The following PDE7B variants were observed in gnomAD, a reference collection of about 807,000 sequenced individuals.
PDE7B encodes phosphodiesterase 7B.
In PDE7B, 29 loss-of-function variants were observed where a neutral mutation model predicts 56.2. The observed-to-expected ratio is 0.52, with a 90% CI of 0.38 to 0.70. PDE7B has a LOEUF of 0.70. Among genes scored for constraint, PDE7B ranks in the 30% least tolerant of loss-of-function variants. The probability of loss-of-function intolerance (pLI) is 0.00; values close to 1 mark genes in which losing one functional copy is unlikely to be tolerated. For synonymous variants in PDE7B, 197 were observed against 196.9 expected, an observed-to-expected ratio of 1.00 and a Z score of 0.00; for missense variants, 490 against 565.0, an observed-to-expected ratio of 0.87 and a Z score of 1.35.
intron 3 of PDE7B, among the ~76,000 whole-genome samples, chr6:136,131,006 G>C (rs551265373): frequency 2.7e-4 from 41 of 152,270 alleles, no homozygotes; most frequent in Middle Eastern, 6.8e-3. Flanking sequence ...AATTATGGGA[G>C]CTACAATTCA....
At chr6:135,963,243 G>C (rs866461811) in intron 2 of PDE7B, among the ~76,000 whole-genome samples, 1 of 152,258 alleles carries the variant, frequency 6.6e-6, no homozygotes, top group South Asian at 2.1e-4. Context: ...GGAATTTGCA[G>C]TTTTCATTAA....
rs1415647497 is a variant in PDE7B, at chr6:136,092,473, A to G, written c.83-16258A>G. Among the ~76,000 whole-genome samples, 3 of 152,254 alleles carry G rather than the reference A, an allele frequency of 2.0e-5. No individual in the cohort carries two copies. The East Asian group carries it at 5.8e-4, about 29-fold the overall frequency. On this transcript the variant is annotated intron_variant, in intron 2 of 12. Coordinates refer to ENST00000308191, the MANE Select transcript of PDE7B (RefSeq NM_018945.4). The stretch of plus-strand genomic sequence containing the variant: ...CAGATTCAGTTTTTTAAAAACTGAG[A>G]GTGAAGGCCGGGTACGATGGCTCAT...
chr6:135,949,631 A>G (rs547815326), intron 2 of PDE7B, among the ~76,000 whole-genome samples: 43 of 152,142 alleles, frequency 2.8e-4, no homozygotes, highest in Non-Finnish European at 5.7e-4. Context: ...GAGAAGCTCT[A>G]TCTTTCAAAA....
intron 8 of PDE7B, among the ~76,000 whole-genome samples, chr6:136,160,256 A>T (rs955196475): frequency 6.6e-6 from 1 of 152,168 alleles, no homozygotes. Flanking sequence ...CAGACATAGT[A>T]CCTGATGTGG....
intron 8 of PDE7B, among the ~76,000 whole-genome samples, chr6:136,168,793 T>C (rs1352363539): frequency 6.6e-6 from 1 of 152,156 alleles, no homozygotes; most frequent in Admixed American, 6.6e-5. Context: ...CACAAGATTT[T>C]TAGCAATAGA....
At chr6:135,880,590 C>G (rs1583732735) in intron 1 of PDE7B, among the ~76,000 whole-genome samples, 1 of 152,174 alleles carries the variant, frequency 6.6e-6, no homozygotes, top group African/African-American at 2.4e-5. Context: ...CGCTTGAAAG[C>G]AACACCATGA....
intron 2 of PDE7B, among the ~76,000 whole-genome samples, chr6:135,969,575 A>C (rs9494430): frequency 0.084 from 12,769 of 152,162 alleles, 1,025 homozygotes; most frequent in African/African-American, 0.21. Flanking sequence ...CCATATACAG[A>C]AAACTGAAAC....
chr6:135,909,291 A>G, intron 1 of PDE7B, among the ~76,000 whole-genome samples: 1 of 152,186 alleles, frequency 6.6e-6, no homozygotes, highest in South Asian at 2.1e-4. Context: ...CGTGCCCTGA[A>G]GATGGGAACA....
intron 1 of PDE7B, among the ~76,000 whole-genome samples, chr6:135,874,521 T>C (rs896007442): frequency 1.3e-5 from 2 of 152,216 alleles, no homozygotes; most frequent in African/African-American, 2.4e-5. Context: ...ATTTCTTAAG[T>C]GTGACAAGTG....
intron 12 of PDE7B, among the ~76,000 whole-genome samples, chr6:136,188,984 G>C (rs1309583209): frequency 6.6e-6 from 1 of 152,174 alleles, no homozygotes; most frequent in Non-Finnish European, 1.5e-5. Context: ...AATCCAAAGA[G>C]ATAAATGGAA....
At chr6:136,104,069 G>A (rs1777606737) in intron 2 of PDE7B, among the ~76,000 whole-genome samples, 1 of 152,138 alleles carries the variant, frequency 6.6e-6, no homozygotes, top group Non-Finnish European at 1.5e-5. Flanking sequence ...GAGGGTGAGG[G>A]GCTGTCGTCA....
chr6:135,896,986 C>T (rs1253783416), intron 1 of PDE7B, among the ~76,000 whole-genome samples: 2 of 152,124 alleles, frequency 1.3e-5, no homozygotes, highest in South Asian at 2.1e-4. Context: ...CTCCTCTTTC[C>T]AGATGTGGTT....
intron 2 of PDE7B, among the ~76,000 whole-genome samples, chr6:135,971,568 G>A (rs550695098): frequency 3.9e-5 from 6 of 152,270 alleles, no homozygotes; most frequent in South Asian, 2.1e-4. Flanking sequence ...AACAGATGGT[G>A]TAGAATAAAA....
At chr6:136,075,698 C>T (rs1044265656) in intron 2 of PDE7B, among the ~76,000 whole-genome samples, 1 of 152,118 alleles carries the variant, frequency 6.6e-6, no homozygotes, top group Admixed American at 6.5e-5. Context: ...TTATTCTTTC[C>T]TTCTTCTTGG....
chr6:136,088,035 T>C (rs1777321198), intron 2 of PDE7B, among the ~76,000 whole-genome samples: 1 of 152,214 alleles, frequency 6.6e-6, no homozygotes, highest in Non-Finnish European at 1.5e-5. Context: ...GGCAAATCTG[T>C]GGGACCATCC....
chr6:136,039,397 G>A (rs1033719559), intron 2 of PDE7B, among the ~76,000 whole-genome samples: 5 of 152,214 alleles, frequency 3.3e-5, no homozygotes, highest in Non-Finnish European at 1.5e-5. Flanking sequence ...TTATGCATCT[G>A]AAGTCTTGGC....
intron 2 of PDE7B, among the ~76,000 whole-genome samples, chr6:136,101,407 G>T (rs1777559885): frequency 6.6e-6 from 1 of 152,012 alleles, no homozygotes; most frequent in African/African-American, 2.4e-5. Context: ...ACTTTTTTTG[G>T]TTGGTAGGCT....
In PDE7B at chr6:136,185,218, A is replaced by G. The variant is rs11964001; in HGVS notation, c.1046-1818A>G. Among the ~76,000 whole-genome samples, 1,395 of 152,280 alleles carry G rather than the reference A, an allele frequency of 9.2e-3. 16 individuals are homozygous for G. Among genetic ancestry groups the G allele is most frequent in the African/African-American group, 0.031 (1,295 of 41,546 alleles). The stretch of plus-strand genomic sequence containing the variant: ...TTCAGCCTTGAGGATTACCAGGCAC[A>G]AGAGACCCCAGGAGGCAGACTACAG... On this transcript the variant is annotated intron_variant, in intron 11 of 12. Coordinates refer to ENST00000308191, the MANE Select transcript of PDE7B (RefSeq NM_018945.4).
chr6:136,150,870 T>TGTGTGTGTGTGTG (rs1554283130), intron 5 of PDE7B, among the ~76,000 whole-genome samples: 1 of 151,922 alleles, frequency 6.6e-6, no homozygotes, highest in Non-Finnish European at 1.5e-5. Context: ...TGTGTGTGTG[T>TGTGTGTGTGTGTG]ATGTGTATGT....
Sources: allele counts gnomAD v4.1 joint callset (sites outside exome capture counted in the v4.1 genomes callset), GRCh38; gene constraint gnomAD v4.1.1; transcripts MANE v1.5; gene names NCBI Gene and HGNC (gene_info 2026-07-23, HGNC 2026-07-21).